The following RTEL1 variants were observed in gnomAD, a reference collection of about 807,000 sequenced individuals.
The protein encoded by RTEL1 is regulator of telomere elongation helicase 1, also known as regulator of telomere length.
Under a neutral mutation model 162.2 loss-of-function variants are expected in RTEL1, and 86 were observed. The ratio of observed to expected loss-of-function variants is 0.53; its 90% CI spans 0.45 to 0.63. The LOEUF (loss-of-function observed/expected upper bound fraction) is 0.63, where lower values mean the gene tolerates loss of function less well. Ranked by LOEUF, RTEL1 falls within the 30% of genes least tolerant of loss-of-function variation. The pLI, the probability that RTEL1 is intolerant of heterozygous loss-of-function variation, is 0.00. For synonymous variants in RTEL1, 958 were observed against 717.9 expected (o/e 1.33, Z -5.35); for missense variants, 1,941 against 1,750.2 (o/e 1.11, Z -1.95).
intron 6 of RTEL1, among the ~76,000 whole-genome samples, chr20:63,664,677 C>T (rs1258746303): frequency 3.3e-5 from 5 of 152,228 alleles, no homozygotes; most frequent in East Asian, 1.9e-4. Flanking sequence ...TGTCTGCCAC[C>T]GGACAGGCTG....
rs1601189213 is a variant in RTEL1, at chr20:63,693,588, ACCTCCACCT to A, written c.2992+308_2992+316del. On this transcript the variant is annotated intron_variant, in intron 30 of 34. Coordinates refer to ENST00000360203, the MANE Select transcript of RTEL1 (RefSeq NM_001283009.2). Reference sequence around the variant, plus strand: ...CACCACCTCCACCTCCACCACCACCACCTCCACCTCCACCACCACCACCTCCACCTCCAC... The same window carrying A: ...CACCACCTCCACCTCCACCACCACCACCACCACCACCACCTCCACCTCCAC... Among the ~76,000 whole-genome samples, 9 of 56,922 alleles carry A rather than the reference ACCTCCACCT, an allele frequency of 1.6e-4. 1 individual carries two copies. Among genetic ancestry groups the A allele is most frequent in the East Asian group, 7.0e-4 (2 of 2,862 alleles). The allele number at this position is 56,922 out of a possible 152,430, so 37.3% of individuals were successfully genotyped here.
chr20:63,658,461 T>G lies in RTEL1; in HGVS notation c.-176T>G, dbSNP rs1447595751. On this transcript the variant is annotated 5_prime_UTR_variant, in exon 1 of 35. Coordinates refer to ENST00000360203, the MANE Select transcript of RTEL1 (RefSeq NM_001283009.2). ...CTGGAAGGTTCGCCGCGGAGACAAGTGAGCAGTGAGTCGCAGTGACCCTAC... is the reference window on the plus strand; with the variant it reads ...CTGGAAGGTTCGCCGCGGAGACAAGGGAGCAGTGAGTCGCAGTGACCCTAC... The G allele has an allele frequency of 6.6e-6, 1 of 152,394 alleles. No homozygotes were observed. The highest frequency in any genetic ancestry group is 2.4e-5 in the African/African-American group (1 of 41,458). 9.4% of individuals were successfully genotyped at this position (152,394 alleles called of 1,614,324 possible).
At chr20:63,675,792 G>A (rs562375730) in intron 10 of RTEL1, among the ~76,000 whole-genome samples, 1 of 152,296 alleles carries the variant, frequency 6.6e-6, no homozygotes, top group Admixed American at 6.5e-5. Context: ...CGGGGTGGAC[G>A]GCCGCCTCTT....
chr20:63,674,538 C>G (rs965298107), intron 10 of RTEL1, among the ~76,000 whole-genome samples: 4 of 152,046 alleles, frequency 2.6e-5, no homozygotes, highest in African/African-American at 4.8e-5. Context: ...CGGAACCTCG[C>G]CCCTGCCAAA....
At chr20:63,660,442 A>G (rs1457082698) in intron 2 of RTEL1, among the ~76,000 whole-genome samples, 1 of 152,234 alleles carries the variant, frequency 6.6e-6, no homozygotes, top group Non-Finnish European at 1.5e-5. Flanking sequence ...ACTTTTACCA[A>G]GCATACTGCC....
rs1431515751 is a variant in RTEL1, at chr20:63,694,854, G to A, written c.3223G>A (p.Gly1075Ser). ...ADARRALGSA[G>S]CSQLLAALTA... ...TGCCCGCAGGGCCCTGGGGTCCGCG[G>A]GCTGTAGCCAACTCTTGGCAGCGCT... is the stretch of plus-strand genomic sequence containing the variant. The change falls in exon 32 of 35, where the codon GGC becomes AGC. Residue 1075 changes from glycine (G) to serine (S), a missense_variant. Physicochemically the swap from Gly to Ser is moderately conservative, Grantham distance 56. Transcript: ENST00000360203. 2 of 1,612,644 alleles carry A rather than the reference G, an allele frequency of 1.2e-6. No individual in the cohort carries two copies. The highest frequency in any genetic ancestry group is 1.7e-6 in the Non-Finnish European group (2 of 1,179,868).
chr20:63,679,786 A>C (rs539102791), intron 12 of RTEL1, 63 bp from the exon 13 acceptor site: 261 of 1,282,490 alleles, frequency 2.0e-4, no homozygotes, highest in Non-Finnish European at 2.8e-4. Flanking sequence ...TCTTCTCCTC[A>C]GTTCCCAAAG....
chr20:63,693,912 C>G (rs1345215574), intron 30 of RTEL1, among the ~76,000 whole-genome samples: 1 of 150,874 alleles, frequency 6.6e-6, no homozygotes. Flanking sequence ...GTCAACTGCA[C>G]ACGCCAGGGT....
chr20:63,676,704 G>A (rs1355408531), intron 10 of RTEL1, among the ~76,000 whole-genome samples: 1 of 152,224 alleles, frequency 6.6e-6, no homozygotes, highest in Non-Finnish European at 1.5e-5. Flanking sequence ...GGGAGGCCCA[G>A]GCAGGCGGAT....
At chr20:63,682,517 C>T (rs2090498893) in intron 14 of RTEL1, 13 of 985,780 alleles carry the variant, frequency 1.3e-5, no homozygotes, top group Non-Finnish European at 1.6e-5. Context: ...GAATCCTGCA[C>T]ACTCCATCGG....
At chr20:63,690,765 C>T (rs751941133) in intron 26 of RTEL1, 40 bp from the exon 27 acceptor site, 2 of 1,556,338 alleles carry the variant, frequency 1.3e-6, no homozygotes, top group East Asian at 2.3e-5. Context: ...CCAGCTGGGG[C>T]CCCCCGTGGG....
At chr20:63,669,093 C>T (rs1007208200) in intron 8 of RTEL1, among the ~76,000 whole-genome samples, 6 of 152,216 alleles carry the variant, frequency 3.9e-5, no homozygotes, top group African/African-American at 1.4e-4. Context: ...AGCGATTCTC[C>T]CACATCAGCC....
At chr20:63,675,859 G>A (rs2090338884) in intron 10 of RTEL1, among the ~76,000 whole-genome samples, 1 of 152,148 alleles carries the variant, frequency 6.6e-6, no homozygotes, top group Non-Finnish European at 1.5e-5. Context: ...CCCTCATCTC[G>A]GCAGCTGCCA....
chr20:63,671,481 G>A (rs1425530786), intron 8 of RTEL1, among the ~76,000 whole-genome samples: 1 of 151,800 alleles, frequency 6.6e-6, no homozygotes, highest in Non-Finnish European at 1.5e-5. Flanking sequence ...ACATCTTAAT[G>A]TGTGAAATTT....
At chr20:63,689,227 C>A in intron 22 of RTEL1, 95 bp downstream of exon 22, 2 of 1,242,730 alleles carry the variant, frequency 1.6e-6, no homozygotes, top group Non-Finnish European at 1.1e-6. Flanking sequence ...GGGGGCTGCC[C>A]GGTCCCCTCC....
At chr20:63,684,765 G>A (rs544538441) in intron 14 of RTEL1, among the ~76,000 whole-genome samples, 2 of 151,894 alleles carry the variant, frequency 1.3e-5, no homozygotes, top group East Asian at 2.0e-4. Context: ...GAGCCACCAC[G>A]CCCGGCCTCT....
Position 63,692,873 on chromosome 20 carries a change from G to C in RTEL1, c.2721G>C (p.Leu907Phe), listed in dbSNP as rs763364387. The C allele has an allele frequency of 3.1e-6, 5 of 1,612,522 alleles. No homozygotes were observed. Among genetic ancestry groups the C allele is most frequent in the Middle Eastern group, 1.6e-4 (1 of 6,080 alleles). The change falls in exon 29 of 35, where the codon TTG (leucine) becomes TTC (phenylalanine). Residue 907 changes from leucine (L) to phenylalanine (F), a missense_variant. Leu to Phe is a conservative substitution (Grantham distance 22, BLOSUM62 0). Coordinates refer to ENST00000360203, the MANE Select transcript of RTEL1 (RefSeq NM_001283009.2). The stretch of plus-strand genomic sequence containing the variant: ...TCATGGTGGCCGTGAAGCAGGAGTT[G>C]AGCCAAGCCAACTTTGCCACCTTCA... The part of the protein sequence containing the change: ...KLFMVAVKQE[L>F]SQANFATFTQ...
intron 13 of RTEL1, 110 bp from the exon 14 acceptor site, chr20:63,680,554 G>A (rs977415420): frequency 2.5e-6 from 3 of 1,180,392 alleles, no homozygotes; most frequent in Non-Finnish European, 3.7e-6. Flanking sequence ...CATTGGGCAG[G>A]AGATGGAGCT....
intron 14 of RTEL1, chr20:63,681,030 C>G: frequency 1.0e-6 from 1 of 985,454 alleles, no homozygotes; most frequent in African/African-American, 1.7e-5. Flanking sequence ...GGGGGACCCA[C>G]TGCTGGCAGC....
Sources: allele counts gnomAD v4.1 joint callset (sites outside exome capture counted in the v4.1 genomes callset), GRCh38; gene constraint gnomAD v4.1.1; transcripts MANE v1.5; gene names NCBI Gene and HGNC (gene_info 2026-07-23, HGNC 2026-07-21).